The following HS6ST3 variants were observed in gnomAD, a reference collection of about 807,000 sequenced individuals.
HS6ST3 encodes the protein heparan sulfate 6-O-sulfotransferase 3, also known as heparan-sulfate 6-O-sulfotransferase 3.
Under a neutral mutation model 36.7 loss-of-function variants are expected in HS6ST3, and 12 were observed. That is an observed-to-expected ratio of 0.33 (90% CI 0.21 to 0.53). The LOEUF is 0.53. Among genes scored for constraint, HS6ST3 ranks in the 20% least tolerant of loss-of-function variants. The pLI is 0.95. For missense variants in HS6ST3, 584 were observed against 640.9 expected (o/e 0.91, Z 0.96); for synonymous variants, 240 against 257.5 (o/e 0.93, Z 0.65).
At chr13:96,652,729 C>A (rs1360723700) in intron 1 of HS6ST3, among the ~76,000 whole-genome samples, 2 of 152,028 alleles carry the variant, frequency 1.3e-5, no homozygotes, top group African/African-American at 2.4e-5. Flanking sequence ...GTGAGTAATG[C>A]CTCCAGTCTT....
At position 96,833,160 on chromosome 13, in the gene HS6ST3, G is replaced by GTCACC. The variant is rs891884481; in HGVS notation, c.1379_1383dup (p.Glu462SerfsTer10). 12 of 1,589,774 alleles carry GTCACC rather than the reference G, an allele frequency of 7.5e-6. No homozygotes were observed. ...AGAAGATGGGGCTGCAGAAGGGACT[G>GTCACC]TCACCGAGGACTACAACAGCCAGGT... On this transcript the variant is annotated frameshift_variant, in exon 2 of 2. Coordinates refer to ENST00000376705, the MANE Select transcript of HS6ST3 (RefSeq NM_153456.4). LOFTEE classifies it high-confidence loss of function.
intron 1 of HS6ST3, among the ~76,000 whole-genome samples, chr13:96,698,905 T>C (rs1875204777): frequency 1.3e-5 from 2 of 152,134 alleles, no homozygotes; most frequent in Admixed American, 6.5e-5. Flanking sequence ...AACAGAGATA[T>C]AGACCAATGG....
Position 96,708,174 on chromosome 13 carries a change from G to C in HS6ST3, c.708-124316G>C, listed in dbSNP as rs187154261. ...TGCCAGAAATCATTATGGGACTCTG[G>C]TTTACATGTTCGCAACTTCATAGTG... On this transcript the variant is annotated intron_variant, in intron 1 of 1. Coordinates refer to ENST00000376705, the MANE Select transcript of HS6ST3 (RefSeq NM_153456.4). Among the ~76,000 whole-genome samples, 62 of 152,314 alleles carry C rather than the reference G, an allele frequency of 4.1e-4. No individual in the cohort carries two copies. In the East Asian group the frequency reaches 8.5e-3, roughly 21 times the overall value.
chr13:96,597,083 C>A (rs775428521), intron 1 of HS6ST3, among the ~76,000 whole-genome samples: 4 of 152,078 alleles, frequency 2.6e-5, no homozygotes, highest in Non-Finnish European at 5.9e-5. Flanking sequence ...CAAACTAATG[C>A]AGGAACAGAA....
intron 1 of HS6ST3, among the ~76,000 whole-genome samples, chr13:96,757,531 A>C (rs886746021): frequency 6.6e-6 from 1 of 152,172 alleles, no homozygotes; most frequent in Non-Finnish European, 1.5e-5. Flanking sequence ...AATATTGAAT[A>C]AAATTGCTAT....
At chr13:96,594,194 A>G (rs2056393607) in intron 1 of HS6ST3, among the ~76,000 whole-genome samples, 1 of 150,778 alleles carries the variant, frequency 6.6e-6, no homozygotes, top group African/African-American at 2.4e-5. Flanking sequence ...TTGGTCTCCT[A>G]CTCCCAACTT....
chr13:96,417,590 A>ATGTGTGTGTGTGTGTG (rs148288275), intron 1 of HS6ST3, among the ~76,000 whole-genome samples: 15 of 139,982 alleles, frequency 1.1e-4, no homozygotes, highest in African/African-American at 3.2e-4. Context: ...GCATATATAT[A>ATGTGTGTGTGTGTGTG]TGTGTGTGTG....
chr13:96,194,138 C>T lies in HS6ST3; in HGVS notation c.707+102569C>T, dbSNP rs551206588. Among the ~76,000 whole-genome samples the T allele has an allele frequency of 2.0e-5, 3 of 152,204 alleles. No homozygotes were observed. The East Asian group carries it at 5.8e-4, about 29-fold the overall frequency. Reference sequence around the variant, plus strand: ...CAAAGCCCTCGTCTCCCTTATTTGCCGCCATTCCACATATTGCAGCTGTTT... The same window carrying T: ...CAAAGCCCTCGTCTCCCTTATTTGCTGCCATTCCACATATTGCAGCTGTTT... On this transcript the variant is annotated intron_variant, in intron 1 of 1. Transcript: ENST00000376705.
intron 1 of HS6ST3, among the ~76,000 whole-genome samples, chr13:96,531,565 G>A (rs891969384): frequency 1.3e-5 from 2 of 152,190 alleles, no homozygotes; most frequent in African/African-American, 4.8e-5. Flanking sequence ...TCTGGTGCAG[G>A]TCAGCAGGGC....
intron 1 of HS6ST3, among the ~76,000 whole-genome samples, chr13:96,600,982 A>G (rs536822586): frequency 1.4e-4 from 22 of 152,246 alleles, no homozygotes; most frequent in African/African-American, 5.3e-4. Flanking sequence ...TGAAGACACT[A>G]AAGATAGGAT....
intron 1 of HS6ST3, among the ~76,000 whole-genome samples, chr13:96,688,561 C>T (rs1566430165): frequency 6.6e-6 from 1 of 151,968 alleles, no homozygotes; most frequent in Non-Finnish European, 1.5e-5. Context: ...AAGAGACGCT[C>T]ACTTGATATA....
chr13:96,738,258 T>G (rs1876336137), intron 1 of HS6ST3, among the ~76,000 whole-genome samples: 1 of 152,214 alleles, frequency 6.6e-6, no homozygotes, highest in East Asian at 1.9e-4. Context: ...CCATTTGGAT[T>G]GTCCATAAGA....
At chr13:96,109,295 C>A (rs748746660) in intron 1 of HS6ST3, among the ~76,000 whole-genome samples, 4 of 152,110 alleles carry the variant, frequency 2.6e-5, no homozygotes, top group African/African-American at 4.8e-5. Context: ...TGGAAACCAA[C>A]TGTGACTCAG....
At chr13:96,395,402 A>G (rs1189309659) in intron 1 of HS6ST3, among the ~76,000 whole-genome samples, 1 of 152,170 alleles carries the variant, frequency 6.6e-6, no homozygotes, top group African/African-American at 2.4e-5. Context: ...GTCTGCTGTT[A>G]TAATAAGAAT....
At chr13:96,714,378 C>G (rs1875641397) in intron 1 of HS6ST3, among the ~76,000 whole-genome samples, 1 of 151,968 alleles carries the variant, frequency 6.6e-6, no homozygotes, top group Non-Finnish European at 1.5e-5. Context: ...GGGCAAATGT[C>G]TGATAAACAT....
intron 1 of HS6ST3, among the ~76,000 whole-genome samples, chr13:96,668,585 T>C (rs1240492516): frequency 1.3e-5 from 2 of 151,662 alleles, no homozygotes; most frequent in East Asian, 2.0e-4. Context: ...CAAAATCTTA[T>C]TGGAGACAGA....
At chr13:96,736,172 C>T (rs573940976) in intron 1 of HS6ST3, among the ~76,000 whole-genome samples, 3 of 152,008 alleles carry the variant, frequency 2.0e-5, no homozygotes, top group African/African-American at 4.8e-5. Context: ...CCCCATGACA[C>T]GTGTTTACCT....
Position 96,628,676 on chromosome 13 carries a change from T to C in HS6ST3, c.708-203814T>C, listed in dbSNP as rs564597624. The stretch of plus-strand genomic sequence containing the variant: ...AGCCACATTGTTACATTTTATATAA[T>C]TCTAAAATCACTATGTCTAACTGGT... On this transcript the variant is annotated intron_variant, in intron 1 of 1. Transcript: ENST00000376705. Among the ~76,000 whole-genome samples, 10 of 152,238 alleles carry C rather than the reference T, an allele frequency of 6.6e-5. No individual in the cohort carries two copies. In the South Asian group the frequency reaches 1.2e-3, roughly 19 times the overall value.
At chr13:96,516,644 G>T (rs1036115872) in intron 1 of HS6ST3, among the ~76,000 whole-genome samples, 1 of 152,024 alleles carries the variant, frequency 6.6e-6, no homozygotes, top group Non-Finnish European at 1.5e-5. Context: ...TAAAACAGCA[G>T]AAAACTCTTA....
Sources: allele counts gnomAD v4.1 joint callset (sites outside exome capture counted in the v4.1 genomes callset), GRCh38; gene constraint gnomAD v4.1.1; transcripts MANE v1.5; gene names NCBI Gene and HGNC (gene_info 2026-07-23, HGNC 2026-07-21).